SMOC1: variants seen among roughly 807,000 people sequenced by gnomAD.
The protein encoded by SMOC1 is SPARC-related modular calcium-binding protein 1.
In SMOC1, 22 loss-of-function variants were observed where a neutral mutation model predicts 56.3. The ratio of observed to expected loss-of-function variants is 0.39; its 90% CI spans 0.28 to 0.56. The LOEUF is 0.56. Ranked by LOEUF, SMOC1 falls within the 20% of genes least tolerant of loss-of-function variation. The pLI is 0.61. For missense variants in SMOC1, 509 were observed against 565.4 expected, an observed-to-expected ratio of 0.90 and a Z score of 1.01; for synonymous variants, 193 against 215.0, an observed-to-expected ratio of 0.90 and a Z score of 0.89.
chr14:69,946,817 C>T (rs771317943), intron 1 of SMOC1, among the ~76,000 whole-genome samples: 1 of 152,132 alleles, frequency 6.6e-6, no homozygotes, highest in Non-Finnish European at 1.5e-5. Context: ...GTGCTTTGGT[C>T]CTTGGGGTGC....
chr14:69,983,615 C>G (rs1884259251), intron 5 of SMOC1, among the ~76,000 whole-genome samples: 1 of 152,218 alleles, frequency 6.6e-6, no homozygotes, highest in Non-Finnish European at 1.5e-5. Context: ...TAAGGAAAGC[C>G]CCTTGGAGCG....
chr14:69,954,857 G>A (rs1236575975), intron 3 of SMOC1, among the ~76,000 whole-genome samples: 1 of 152,152 alleles, frequency 6.6e-6, no homozygotes, highest in Non-Finnish European at 1.5e-5. Context: ...TGGTCTGAGG[G>A]GCTTCAGGTA....
At chr14:69,923,126 T>C (rs996716358) in intron 1 of SMOC1, among the ~76,000 whole-genome samples, 1 of 151,938 alleles carries the variant, frequency 6.6e-6, no homozygotes, top group Non-Finnish European at 1.5e-5. Flanking sequence ...TTGTATTTTT[T>C]AGTAGAGACG....
chr14:69,993,685 G>A (rs898687708), intron 6 of SMOC1, among the ~76,000 whole-genome samples: 1 of 152,202 alleles, frequency 6.6e-6, no homozygotes, highest in Non-Finnish European at 1.5e-5. Flanking sequence ...AGATGTAGAT[G>A]TCTCTGTGAT....
At chr14:69,995,666 C>A (rs868744800) in intron 7 of SMOC1, among the ~76,000 whole-genome samples, 1 of 152,160 alleles carries the variant, frequency 6.6e-6, no homozygotes, top group Non-Finnish European at 1.5e-5. Flanking sequence ...CACAATCTCT[C>A]CCTCAAAGGA....
At position 70,030,037 on chromosome 14, in the gene SMOC1, A is replaced by G. The variant is rs1353449852; in HGVS notation, c.1292-205A>G. On this transcript the variant is annotated intron_variant, in intron 11 of 11. Coordinates refer to ENST00000361956, the MANE Select transcript of SMOC1 (RefSeq NM_001034852.3). ...TGGTGGTGCCTCATAGTGGCAAAGG[A>G]CAGGCTGGTAAAACATGCTCATCTG... Among the ~76,000 whole-genome samples, 3 of 152,132 alleles carry G rather than the reference A, an allele frequency of 2.0e-5. No homozygotes were observed. The East Asian group carries it at 5.8e-4, about 29-fold the overall frequency.
chr14:69,960,933 G>C (rs1393616106), intron 3 of SMOC1, among the ~76,000 whole-genome samples: 1 of 151,998 alleles, frequency 6.6e-6, no homozygotes, highest in Non-Finnish European at 1.5e-5. Flanking sequence ...CATCATAAAA[G>C]TTACCATTTT....
At position 69,977,980 on chromosome 14, in the gene SMOC1, A is replaced by G. The variant is rs751714440; in HGVS notation, c.526+15A>G. On this transcript the variant is annotated intron_variant, in intron 5 of 11. Coordinates refer to ENST00000361956, the MANE Select transcript of SMOC1 (RefSeq NM_001034852.3). Reference sequence around the variant, plus strand: ...AGGAAGGAAAGGTGAGTGGAGTTTTATGCTTTATCTAAATGTTTGCTTCCA... The same window carrying G: ...AGGAAGGAAAGGTGAGTGGAGTTTTGTGCTTTATCTAAATGTTTGCTTCCA... 4 of 1,609,894 alleles carry G rather than the reference A, an allele frequency of 2.5e-6. No homozygotes were observed. The highest frequency in any genetic ancestry group is 3.4e-6 in the Non-Finnish European group (4 of 1,176,306).
At chr14:69,887,288 A>G (rs911139981) in intron 1 of SMOC1, among the ~76,000 whole-genome samples, 3 of 152,250 alleles carry the variant, frequency 2.0e-5, no homozygotes, top group Admixed American at 2.0e-4. Flanking sequence ...CAGCTACAAC[A>G]AAATGCTATG....
chr14:70,011,694 G>A, intron 9 of SMOC1, 127 bp downstream of exon 9: 3 of 865,610 alleles, frequency 3.5e-6, no homozygotes, highest in South Asian at 1.4e-5. Flanking sequence ...GGAGCCGTGG[G>A]ATCTACATCC....
intron 3 of SMOC1, among the ~76,000 whole-genome samples, chr14:69,961,446 T>G (rs1566689655): frequency 6.6e-6 from 1 of 151,788 alleles, no homozygotes; most frequent in Non-Finnish European, 1.5e-5. Flanking sequence ...AGTGGCATGA[T>G]CTGGACTCAC....
intron 7 of SMOC1, among the ~76,000 whole-genome samples, chr14:70,006,080 T>A (rs1319952673): frequency 6.6e-6 from 1 of 152,162 alleles, no homozygotes. Flanking sequence ...AACTGATAGA[T>A]GTGAATTTTA....
At chr14:69,920,406 C>G (rs2139365386) in intron 1 of SMOC1, among the ~76,000 whole-genome samples, 1 of 152,204 alleles carries the variant, frequency 6.6e-6, no homozygotes, top group African/African-American at 2.4e-5. Context: ...GCAGACAGCC[C>G]TCATATTATT....
intron 1 of SMOC1, among the ~76,000 whole-genome samples, chr14:69,915,908 G>T (rs772706742): frequency 2.0e-5 from 3 of 152,032 alleles, no homozygotes; most frequent in Non-Finnish European, 4.4e-5. Context: ...AGTTCCTCAG[G>T]GCTCAGCCCT....
At chr14:70,028,001 G>C (rs774322726) in intron 11 of SMOC1, among the ~76,000 whole-genome samples, 4 of 152,174 alleles carry the variant, frequency 2.6e-5, no homozygotes, top group Non-Finnish European at 5.9e-5. Flanking sequence ...GTGCCCCCTG[G>C]TGGGCTGCGA....
chr14:69,969,615 G>A (rs933610249), intron 3 of SMOC1, among the ~76,000 whole-genome samples: 2 of 152,144 alleles, frequency 1.3e-5, no homozygotes, highest in African/African-American at 4.8e-5. Context: ...CACCTCCCAC[G>A]CTGGGGATTA....
intron 1 of SMOC1, among the ~76,000 whole-genome samples, chr14:69,899,740 C>T (rs371208699): frequency 2.0e-5 from 3 of 152,248 alleles, no homozygotes; most frequent in East Asian, 3.9e-4. Context: ...AGTCTAGGTG[C>T]CCTTGCAGTT....
intron 7 of SMOC1, among the ~76,000 whole-genome samples, chr14:70,005,744 A>T (rs2139576217): frequency 6.6e-6 from 1 of 152,172 alleles, no homozygotes; most frequent in Non-Finnish European, 1.5e-5. Context: ...GCACCATCTG[A>T]GGGACAGGAT....
chr14:69,989,947 G>T (rs227426), intron 5 of SMOC1, among the ~76,000 whole-genome samples: 84,320 of 152,122 alleles, frequency 0.55, 23,743 homozygotes, highest in African/African-American at 0.57. Flanking sequence ...CATGCTGGAT[G>T]TCACAGGTGA....
Sources: gnomAD v4.1 joint callset for allele counts (sites outside exome capture counted in the v4.1 genomes callset) on GRCh38, gnomAD v4.1.1 for gene constraint, MANE v1.5 for transcripts, NCBI Gene and HGNC (gene_info 2026-07-23, HGNC 2026-07-21) for gene names.